Variants in DENND5B observed in about 807,000 individuals in gnomAD.
DENND5B encodes DENN domain containing 5B.
In DENND5B, 34 loss-of-function variants were observed where a neutral mutation model predicts 140.6. That is an observed-to-expected ratio of 0.24 (90% CI 0.18 to 0.32). DENND5B has a LOEUF of 0.32. Ranked by LOEUF, DENND5B falls within the 10% of genes least tolerant of loss-of-function variation. The pLI is 1.00. For missense variants in DENND5B, 1,142 were observed against 1,560.2 expected (o/e 0.73, Z 4.52); for synonymous variants, 551 against 562.1 (o/e 0.98, Z 0.28).
At chr12:31,546,673 G>A (rs1444740490) in intron 1 of DENND5B, among the ~76,000 whole-genome samples, 2 of 152,068 alleles carry the variant, frequency 1.3e-5, no homozygotes, top group African/African-American at 4.8e-5. Flanking sequence ...GAGACAGAGC[G>A]AGACTCCATC....
intron 4 of DENND5B, among the ~76,000 whole-genome samples, chr12:31,456,579 C>T (rs1944787987): frequency 1.3e-5 from 2 of 152,288 alleles, no homozygotes; most frequent in African/African-American, 4.8e-5. Context: ...GTATTCTACA[C>T]AAATAGTGTA....
At chr12:31,506,558 C>G (rs531613306) in intron 1 of DENND5B, among the ~76,000 whole-genome samples, 126 of 152,280 alleles carry the variant, frequency 8.3e-4, no homozygotes, top group African/African-American at 2.8e-3. Flanking sequence ...AGGGTACGCT[C>G]CCAAATAGGC....
At position 31,386,688 on chromosome 12, in the gene DENND5B, C is replaced by T. The variant is rs1940866221; in HGVS notation, c.*915G>A. 2 of 152,202 alleles carry T rather than the reference C, an allele frequency of 1.3e-5. No individual in the cohort carries two copies. The highest frequency in any genetic ancestry group is 2.9e-5 in the Non-Finnish European group (2 of 68,046). 9.4% of individuals were successfully genotyped at this position (152,202 alleles called of 1,614,324 possible). Reference sequence around the variant, plus strand: ...TGATTAGACCCTAACAAAGACAGGGCTCATGGTTATCCTTAAGAGGTAGAC... The same window carrying T: ...TGATTAGACCCTAACAAAGACAGGGTTCATGGTTATCCTTAAGAGGTAGAC... On this transcript the variant is annotated 3_prime_UTR_variant, in exon 21 of 21. Coordinates refer to ENST00000389082, the MANE Select transcript of DENND5B (RefSeq NM_144973.4).
chr12:31,461,659 A>T (rs1945026440), intron 3 of DENND5B, among the ~76,000 whole-genome samples: 1 of 152,246 alleles, frequency 6.6e-6, no homozygotes, highest in African/African-American at 2.4e-5. Flanking sequence ...TAGGACAGAT[A>T]ATCAAAGAAT....
intron 1 of DENND5B, among the ~76,000 whole-genome samples, chr12:31,521,232 G>A (rs1409116407): frequency 4.6e-5 from 7 of 151,704 alleles, no homozygotes; most frequent in Non-Finnish European, 1.0e-4. Context: ...TATATAGTAA[G>A]TTCAGAGATA....
intron 1 of DENND5B, chr12:31,500,497 T>C (rs1946961136): frequency 1.2e-5 from 5 of 401,058 alleles, no homozygotes; most frequent in Admixed American, 9.5e-5. Context: ...CTGATCAACA[T>C]GGTGAAACCT....
chr12:31,530,318 A>G (rs1948237748), intron 1 of DENND5B, among the ~76,000 whole-genome samples: 1 of 152,250 alleles, frequency 6.6e-6, no homozygotes, highest in African/African-American at 2.4e-5. Context: ...GGTTGCAGTG[A>G]GCCAAGATCG....
chr12:31,424,479 AT>A (rs1943151638), intron 10 of DENND5B, 55 bp downstream of exon 10: 2 of 1,500,856 alleles, frequency 1.3e-6, no homozygotes, highest in East Asian at 4.7e-5. Flanking sequence ...TCCTTGTTAC[AT>A]TTCTTAACAG....
chr12:31,437,942 C>A (rs1439220847), intron 7 of DENND5B, among the ~76,000 whole-genome samples: 3 of 152,192 alleles, frequency 2.0e-5, no homozygotes, highest in African/African-American at 7.2e-5. Context: ...TGATGCGATT[C>A]TGAGTGGTTA....
chr12:31,467,530 T>C (rs149354747), intron 3 of DENND5B, among the ~76,000 whole-genome samples: 12 of 151,882 alleles, frequency 7.9e-5, no homozygotes, highest in African/African-American at 2.9e-4. Flanking sequence ...GTCCCAGCTA[T>C]CAGGAGGCTG....
At chr12:31,478,794 C>T (rs1945936366) in intron 3 of DENND5B, among the ~76,000 whole-genome samples, 1 of 152,146 alleles carries the variant, frequency 6.6e-6, no homozygotes. Flanking sequence ...ATTCACTATC[C>T]ATTAAGACAT....
intron 1 of DENND5B, among the ~76,000 whole-genome samples, chr12:31,566,137 C>A (rs1210135848): frequency 6.6e-6 from 1 of 152,066 alleles, no homozygotes; most frequent in Non-Finnish European, 1.5e-5. Flanking sequence ...AGAAGTGAAA[C>A]TCTTGTCTCA....
chr12:31,525,412 A>T (rs73084486), intron 1 of DENND5B, among the ~76,000 whole-genome samples: 1 of 152,158 alleles, frequency 6.6e-6, no homozygotes, highest in Non-Finnish European at 1.5e-5. Flanking sequence ...AAATATGCAA[A>T]GTGAAAGATG....
chr12:31,497,259 A>G (rs1946796683), intron 1 of DENND5B, among the ~76,000 whole-genome samples: 1 of 152,190 alleles, frequency 6.6e-6, no homozygotes, highest in African/African-American at 2.4e-5. Context: ...CAACTAAACT[A>G]CTATTTCTAA....
intron 3 of DENND5B, among the ~76,000 whole-genome samples, chr12:31,466,686 CTG>C (rs1270976012): frequency 7.5e-6 from 1 of 134,192 alleles, no homozygotes; most frequent in Non-Finnish European, 1.6e-5. Flanking sequence ...AAGTGAGACT[CTG>C]TCTCAAAAAC....
chr12:31,513,112 T>A (rs560720512), intron 1 of DENND5B, among the ~76,000 whole-genome samples: 1 of 152,186 alleles, frequency 6.6e-6, no homozygotes, highest in Admixed American at 6.5e-5. Context: ...AGGTATTTTG[T>A]AGAAGGTCCC....
intron 1 of DENND5B, among the ~76,000 whole-genome samples, chr12:31,573,694 G>A (rs1009403779): frequency 2.0e-5 from 3 of 152,160 alleles, no homozygotes; most frequent in African/African-American, 7.2e-5. Flanking sequence ...CAGAAGCTCT[G>A]GGGTCTAGGG....
At chr12:31,439,278 T>C (rs1943916758) in intron 7 of DENND5B, among the ~76,000 whole-genome samples, 1 of 152,226 alleles carries the variant, frequency 6.6e-6, no homozygotes, top group Admixed American at 6.5e-5. Flanking sequence ...ATCTTTTCTC[T>C]TGACTATATC....
At chr12:31,567,317 C>CAA (rs113948267) in intron 1 of DENND5B, among the ~76,000 whole-genome samples, 2,283 of 142,454 alleles carry the variant, frequency 0.016, 45 homozygotes, top group African/African-American at 0.053. Context: ...GACCTTGTCT[C>CAA]AAAAAAAAAA....
Sources: allele counts gnomAD v4.1 joint callset (sites outside exome capture counted in the v4.1 genomes callset), GRCh38; gene constraint gnomAD v4.1.1; transcripts MANE v1.5; gene names NCBI Gene and HGNC (gene_info 2026-07-23, HGNC 2026-07-21).